RNF180: variants seen among roughly 807,000 people sequenced by gnomAD.
RNF180 encodes the protein E3 ubiquitin-protein ligase RNF180.
A neutral mutation model predicts 59.2 loss-of-function variants in RNF180; 38 were observed. That is an observed-to-expected ratio of 0.64 (90% CI 0.50 to 0.84). The LOEUF is 0.84. RNF180 is among the 40% of genes least tolerant of loss of function. The probability of loss-of-function intolerance (pLI) is 0.00; values close to 1 mark genes in which losing one functional copy is unlikely to be tolerated. For missense variants in RNF180, 705 were observed against 700.9 expected (o/e 1.01, Z -0.07); for synonymous variants, 262 against 240.3 (o/e 1.09, Z -0.84).
chr5:64,281,728 C>T (rs1319901627), intron 5 of RNF180, among the ~76,000 whole-genome samples: 1 of 152,136 alleles, frequency 6.6e-6, no homozygotes, highest in African/African-American at 2.4e-5. Context: ...GAACTCCTGA[C>T]CTTGTGATCC....
At chr5:64,239,489 G>A (rs1404564515) in intron 5 of RNF180, among the ~76,000 whole-genome samples, 1 of 152,114 alleles carries the variant, frequency 6.6e-6, no homozygotes, top group Admixed American at 6.5e-5. Flanking sequence ...TTTAAAATGT[G>A]TCTGGTTTGA....
At chr5:64,349,096 T>G (rs12522482) in intron 7 of RNF180, among the ~76,000 whole-genome samples, 11,908 of 152,124 alleles carry the variant, frequency 0.078, 634 homozygotes, top group South Asian at 0.16. Context: ...AACCCAACAC[T>G]GCTTGCTATA....
chr5:64,219,109 T>C (rs968420307), intron 5 of RNF180, among the ~76,000 whole-genome samples: 6 of 152,214 alleles, frequency 3.9e-5, no homozygotes, highest in African/African-American at 7.2e-5. Flanking sequence ...CCAGTAAATA[T>C]AATGTCAGTT....
At chr5:64,289,432 T>C (rs779750007) in intron 5 of RNF180, among the ~76,000 whole-genome samples, 5 of 152,220 alleles carry the variant, frequency 3.3e-5, no homozygotes, top group Non-Finnish European at 7.3e-5. Flanking sequence ...GAGTTCCCAT[T>C]TTTCAATTGT....
chr5:64,341,346 A>AT (rs1021705782), intron 7 of RNF180, among the ~76,000 whole-genome samples: 3 of 152,232 alleles, frequency 2.0e-5, no homozygotes, highest in Non-Finnish European at 2.9e-5. Flanking sequence ...CTGATACTGG[A>AT]TTTTTTTATC....
At chr5:64,258,784 C>G (rs1337505366) in intron 5 of RNF180, among the ~76,000 whole-genome samples, 2 of 151,948 alleles carry the variant, frequency 1.3e-5, no homozygotes, top group African/African-American at 2.4e-5. Context: ...TCATAGGTGA[C>G]AAGTGAGTAG....
In RNF180 at chr5:64,301,701, A is replaced by ATGTGTGTGTGTGTGTGTGTG. The variant is rs3069547; in HGVS notation, c.1228-23481_1228-23462dup. Among the ~76,000 whole-genome samples, 604 of 148,696 alleles carry ATGTGTGTGTGTGTGTGTGTG rather than the reference A, an allele frequency of 4.1e-3. 5 individuals carry two copies. The highest frequency in any genetic ancestry group is 0.014 in the African/African-American group (566 of 40,730). On this transcript the variant is annotated intron_variant, in intron 5 of 7. Transcript: ENST00000389100. The stretch of plus-strand genomic sequence containing the variant: ...TATATTTGTTGTATGCCACATCAGA[A>ATGTGTGTGTGTGTGTGTGTG]TGTGTGTGTGTGTGTGTGTGTGTAT...
At position 64,330,321 on chromosome 5, in the gene RNF180, T is replaced by C; in HGVS notation, c.1494T>C (p.Tyr498=). ...NATKTFFTKE[Y]LKIKQSFQKS... is the part of the protein sequence containing the mutation. The stretch of plus-strand genomic sequence containing the variant: ...CAAAAACTTTCTTTACTAAAGAATA[T>C]TTGAAAATAAAACAAAGCTTTCAGA... Residue 498 remains tyrosine, a synonymous_variant, in exon 7 of 8, where the codon TAT becomes TAC. Transcript: ENST00000389100. 1 of 1,528,064 alleles carries C rather than the reference T, an allele frequency of 6.5e-7. No homozygotes were observed. The highest frequency in any genetic ancestry group is 8.9e-7 in the Non-Finnish European group (1 of 1,129,388). 94.7% of individuals were successfully genotyped at this position (1,528,064 alleles called of 1,614,324 possible). A position where few individuals can be genotyped will look rare whatever the true frequency, so the allele number is the denominator to read the frequency against.
At chr5:64,276,198 T>A (rs564115986) in intron 5 of RNF180, among the ~76,000 whole-genome samples, 1 of 152,244 alleles carries the variant, frequency 6.6e-6, no homozygotes, top group African/African-American at 2.4e-5. Context: ...AAAAATTTAA[T>A]AATTTAATTT....
At chr5:64,336,772 A>G (rs1745143347) in intron 7 of RNF180, among the ~76,000 whole-genome samples, 1 of 152,120 alleles carries the variant, frequency 6.6e-6, no homozygotes, top group Non-Finnish European at 1.5e-5. Context: ...TTGGTTTTAT[A>G]AAATTTCTTT....
chr5:64,238,960 A>G (rs1419196134), intron 5 of RNF180, among the ~76,000 whole-genome samples: 1 of 152,140 alleles, frequency 6.6e-6, no homozygotes, highest in African/African-American at 2.4e-5. Flanking sequence ...TCACTCTGAG[A>G]TATTAGTTTA....
chr5:64,165,526 C>T (rs1561158719), upstream of RNF180, among the ~76,000 whole-genome samples: 1 of 152,236 alleles, frequency 6.6e-6, no homozygotes, highest in Non-Finnish European at 1.5e-5. Flanking sequence ...GCTTGGATCT[C>T]TTAACTCCAG....
At chr5:64,338,528 A>G (rs1423513808) in intron 7 of RNF180, among the ~76,000 whole-genome samples, 1 of 151,736 alleles carries the variant, frequency 6.6e-6, no homozygotes, top group African/African-American at 2.4e-5. Context: ...CCAGCTACTC[A>G]GGAGTCTGAG....
At chr5:64,281,698 A>T (rs1249302808) in intron 5 of RNF180, among the ~76,000 whole-genome samples, 1 of 152,058 alleles carries the variant, frequency 6.6e-6, no homozygotes, top group South Asian at 2.1e-4. Context: ...AGGTTTCACC[A>T]TGTTGGCCAG....
At chr5:64,204,675 T>G (rs1329097837) in intron 2 of RNF180, among the ~76,000 whole-genome samples, 1 of 152,170 alleles carries the variant, frequency 6.6e-6, no homozygotes, top group Non-Finnish European at 1.5e-5. Flanking sequence ...ATTCATAATT[T>G]GATGAATGTA....
intron 5 of RNF180, among the ~76,000 whole-genome samples, chr5:64,311,480 T>C (rs1743763546): frequency 2.0e-5 from 3 of 151,900 alleles, no homozygotes; most frequent in Admixed American, 2.0e-4. Context: ...GTACATGAAC[T>C]AGAGTGTGGG....
rs144937265 is a variant in RNF180, at chr5:64,281,754, G to A, written c.1228-43432G>A. Reference sequence around the variant, plus strand: ...CTTGTGATCCACCCGCCTTGGCATCGCAAAGTGCTGGGATTACAGGTCTAA... The same window carrying A: ...CTTGTGATCCACCCGCCTTGGCATCACAAAGTGCTGGGATTACAGGTCTAA... On this transcript the variant is annotated intron_variant, in intron 5 of 7. Transcript: ENST00000389100. Among the ~76,000 whole-genome samples the A allele has an allele frequency of 8.7e-3, 1,325 of 152,192 alleles. 15 individuals carry two copies. Among genetic ancestry groups the A allele is most frequent in the Middle Eastern group, 0.031 (9 of 294 alleles).
intron 5 of RNF180, among the ~76,000 whole-genome samples, chr5:64,295,811 A>G (rs572655030): frequency 6.6e-5 from 10 of 152,266 alleles, no homozygotes; most frequent in Admixed American, 3.3e-4. Flanking sequence ...TCCTTTATCA[A>G]TCCTCAAAAT....
intron 5 of RNF180, among the ~76,000 whole-genome samples, chr5:64,301,957 A>T (rs894346497): frequency 6.6e-6 from 1 of 151,670 alleles, no homozygotes; most frequent in East Asian, 1.9e-4. Context: ...AACTTAACAC[A>T]TATACACTCT....
Sources: gnomAD v4.1 joint callset for allele counts (sites outside exome capture counted in the v4.1 genomes callset) on GRCh38, gnomAD v4.1.1 for gene constraint, MANE v1.5 for transcripts, NCBI Gene and HGNC (gene_info 2026-07-23, HGNC 2026-07-21) for gene names.